The following PDLIM5 variants were observed in gnomAD, a reference collection of about 807,000 sequenced individuals.
PDLIM5 encodes PDZ and LIM domain protein 5.
Under a neutral mutation model 64.2 loss-of-function variants are expected in PDLIM5, and 34 were observed. The ratio of observed to expected loss-of-function variants is 0.53; its 90% CI spans 0.40 to 0.71. PDLIM5 has a LOEUF of 0.71. Among genes scored for constraint, PDLIM5 ranks in the 30% least tolerant of loss-of-function variants. The pLI is 0.00. For synonymous variants in PDLIM5, 253 were observed against 269.1 expected (o/e 0.94, Z 0.59); for missense variants, 683 against 733.6 (o/e 0.93, Z 0.80).
At chr4:94,550,672 T>C (rs1195424331) in intron 3 of PDLIM5, among the ~76,000 whole-genome samples, 1 of 152,176 alleles carries the variant, frequency 6.6e-6, no homozygotes, top group Non-Finnish European at 1.5e-5. Flanking sequence ...AAGTTTGGAA[T>C]TCTAAAACTC....
At chr4:94,464,945 CTT>C (rs1724217957) in intron 2 of PDLIM5, among the ~76,000 whole-genome samples, 4 of 152,136 alleles carry the variant, frequency 2.6e-5, no homozygotes, top group Admixed American at 2.6e-4. Flanking sequence ...ATTTTAGAAA[CTT>C]ATATTTAATA....
intron 2 of PDLIM5, among the ~76,000 whole-genome samples, chr4:94,484,502 G>A (rs72876217): frequency 0.032 from 4,927 of 152,182 alleles, 244 homozygotes; most frequent in African/African-American, 0.1. Context: ...GTCAGAATAA[G>A]TATACTGAAA....
rs570299417 is a variant in PDLIM5, at chr4:94,563,692, G to T, written c.249-9659G>T. The stretch of plus-strand genomic sequence containing the variant: ...GCCTCTGGTATTAGCATAGGACAGG[G>T]TGCATATAAAGGTGAACCTCAAATA... On this transcript the variant is annotated intron_variant, in intron 3 of 12. Transcript: ENST00000317968. Among the ~76,000 whole-genome samples the T allele has an allele frequency of 2.6e-5, 4 of 152,278 alleles. No homozygotes were observed. The South Asian group carries it at 8.3e-4, about 32-fold the overall frequency.
intron 2 of PDLIM5, among the ~76,000 whole-genome samples, chr4:94,471,153 G>A (rs1724836884): frequency 6.6e-6 from 1 of 152,120 alleles, no homozygotes; most frequent in South Asian, 2.1e-4. Flanking sequence ...AGATTTGGGT[G>A]GGAACACAGC....
chr4:94,626,696 G>A (rs1339901520), intron 8 of PDLIM5, among the ~76,000 whole-genome samples: 2 of 151,362 alleles, frequency 1.3e-5, no homozygotes, highest in Admixed American at 6.6e-5. Context: ...AATCATACCC[G>A]CTTCTGGTGT....
At chr4:94,626,616 T>C (rs1284202489) in intron 8 of PDLIM5, among the ~76,000 whole-genome samples, 1 of 152,208 alleles carries the variant, frequency 6.6e-6, no homozygotes, top group Admixed American at 6.5e-5. Context: ...TTTCTTTGCA[T>C]CTAAACTCCG....
chr4:94,619,152 G>A (rs527542663), intron 8 of PDLIM5, among the ~76,000 whole-genome samples: 28 of 151,978 alleles, frequency 1.8e-4, no homozygotes, highest in African/African-American at 6.3e-4. Context: ...TAGACCCCAC[G>A]CCCCACATTC....
At chr4:94,638,015 G>A (rs988139037) in intron 8 of PDLIM5, among the ~76,000 whole-genome samples, 1 of 152,194 alleles carries the variant, frequency 6.6e-6, no homozygotes, top group Non-Finnish European at 1.5e-5. Flanking sequence ...ACAGGAGGCC[G>A]AGTTCTGTGC....
At chr4:94,653,522 C>A (rs1741993705) in intron 9 of PDLIM5, among the ~76,000 whole-genome samples, 1 of 151,340 alleles carries the variant, frequency 6.6e-6, no homozygotes, top group South Asian at 2.1e-4. Flanking sequence ...CTTATCAGTT[C>A]ATGACCATAA....
chr4:94,470,052 C>T (rs994387237), intron 2 of PDLIM5, among the ~76,000 whole-genome samples: 3 of 149,336 alleles, frequency 2.0e-5, no homozygotes, highest in East Asian at 2.0e-4. Context: ...CTGCAACCTC[C>T]GCCTCTCGGG....
chr4:94,535,835 CTTTTTTTTTTT>C (rs10590994), intron 3 of PDLIM5, among the ~76,000 whole-genome samples: 1 of 123,052 alleles, frequency 8.1e-6, no homozygotes, highest in African/African-American at 3.1e-5. Flanking sequence ...ATAAGGTCCT[CTTTTTTTTTTT>C]TTTTTTTTTT....
intron 2 of PDLIM5, among the ~76,000 whole-genome samples, chr4:94,502,341 C>G (rs970216546): frequency 1.3e-5 from 2 of 152,102 alleles, no homozygotes; most frequent in Non-Finnish European, 1.5e-5. Context: ...GTTAAAGAAT[C>G]AAATGTGCAA....
chr4:94,576,574 T>C (rs1735282171), intron 5 of PDLIM5, among the ~76,000 whole-genome samples: 2 of 152,238 alleles, frequency 1.3e-5, no homozygotes, highest in South Asian at 4.1e-4. Context: ...TTCAGATAAG[T>C]TTAAGTTAGA....
chr4:94,623,769 C>T (rs1233113668), intron 8 of PDLIM5, among the ~76,000 whole-genome samples: 4 of 152,030 alleles, frequency 2.6e-5, no homozygotes, highest in African/African-American at 9.7e-5. Context: ...TTGTTCTGTC[C>T]TCCTGCCAAA....
intron 5 of PDLIM5, among the ~76,000 whole-genome samples, chr4:94,578,450 A>G (rs1235149222): frequency 6.6e-6 from 1 of 152,182 alleles, no homozygotes; most frequent in Non-Finnish European, 1.5e-5. Context: ...TGCATTTGCA[A>G]ACTGGGTGTA....
intron 7 of PDLIM5, among the ~76,000 whole-genome samples, chr4:94,596,475 G>T (rs1737076022): frequency 6.6e-6 from 1 of 151,032 alleles, no homozygotes; most frequent in Non-Finnish European, 1.5e-5. Context: ...AATTAAACCA[G>T]ATAATTAAAG....
In PDLIM5 at chr4:94,570,342, A is replaced by G. The variant is rs189796212; in HGVS notation, c.249-3009A>G. ...CTTTGGGTTATTTCTTTCTCTCTGT[A>G]GGAAAAAAAGATGTACGTATTAGTT... is the stretch of plus-strand genomic sequence containing the variant. On this transcript the variant is annotated intron_variant, in intron 3 of 12. Transcript: ENST00000317968. Among the ~76,000 whole-genome samples the G allele has an allele frequency of 4.5e-4, 68 of 152,204 alleles. 1 individual carries two copies. In the East Asian group the frequency reaches 0.011, roughly 24 times the overall value.
chr4:94,520,624 T>A (rs1003177231), intron 2 of PDLIM5, among the ~76,000 whole-genome samples: 1 of 152,218 alleles, frequency 6.6e-6, no homozygotes, highest in Non-Finnish European at 1.5e-5. Flanking sequence ...ATGAAGCTCA[T>A]AGGAGTATTT....
intron 2 of PDLIM5, among the ~76,000 whole-genome samples, chr4:94,481,678 C>T (rs183841901): frequency 5.1e-4 from 78 of 151,564 alleles, no homozygotes; most frequent in Middle Eastern, 3.4e-3. Flanking sequence ...GCGCGATCTC[C>T]GCTCACTTTA....
Sources: gnomAD v4.1 joint callset for allele counts (sites outside exome capture counted in the v4.1 genomes callset) on GRCh38, gnomAD v4.1.1 for gene constraint, MANE v1.5 for transcripts, NCBI Gene and HGNC (gene_info 2026-07-23, HGNC 2026-07-21) for gene names.